Variants in NFATC1 observed in about 807,000 individuals in gnomAD.
NFATC1 encodes nuclear factor of activated T cells 1, also known as nuclear factor of activated T-cells, cytoplasmic 1.
In NFATC1, 22 loss-of-function variants were observed where a neutral mutation model predicts 76.0. The observed-to-expected ratio is 0.29, with a 90% CI of 0.21 to 0.41. The LOEUF is 0.41. Ranked by LOEUF, NFATC1 falls within the 10% of genes least tolerant of loss-of-function variation. The pLI is 1.00. For synonymous variants in NFATC1, 704 were observed against 613.1 expected (o/e 1.15, Z -2.19); for missense variants, 1,357 against 1,337.7 (o/e 1.01, Z -0.23).
chr18:79,398,768 G>A (rs904341611), intron 1 of NFATC1, among the ~76,000 whole-genome samples: 5 of 152,252 alleles, frequency 3.3e-5, no homozygotes, highest in Non-Finnish European at 5.9e-5. Context: ...GGTGGCTGGA[G>A]TTTTAAAAAC....
At position 79,411,567 on chromosome 18, in the gene NFATC1, G is replaced by A. The variant is rs940347722; in HGVS notation, c.1226+66G>A. The A allele has an allele frequency of 8.0e-5, 95 of 1,181,328 alleles. No homozygotes were observed. In the African/African-American group the frequency reaches 1.2e-3, roughly 15 times the overall value. 73.2% of individuals were successfully genotyped at this position (1,181,328 alleles called of 1,614,324 possible). ...GGCGCGGGGCGGGGCGGAACGCGGG[G>A]AGCGGGACGGGGGGCGGCGCGGGGC... On this transcript the variant is annotated intron_variant, in intron 2 of 9. Transcript: ENST00000427363.
At chr18:79,494,176 G>A (rs1482303384) in intron 9 of NFATC1, among the ~76,000 whole-genome samples, 1 of 152,230 alleles carries the variant, frequency 6.6e-6, no homozygotes, top group Non-Finnish European at 1.5e-5. Context: ...GCCAGCGACC[G>A]CGAGGGACAG....
intron 1 of NFATC1, chr18:79,400,544 C>G: frequency 1.6e-6 from 2 of 1,269,926 alleles, no homozygotes; most frequent in Non-Finnish European, 2.0e-6. Flanking sequence ...CGCCCAGGCC[C>G]CCTCCGCGTC....
At chr18:79,447,642 G>C (rs763905287) in intron 3 of NFATC1, among the ~76,000 whole-genome samples, 2 of 152,212 alleles carry the variant, frequency 1.3e-5, no homozygotes, top group African/African-American at 2.4e-5. Context: ...CACTCTGAAC[G>C]AGGGGCCCTG....
intron 8 of NFATC1, among the ~76,000 whole-genome samples, chr18:79,481,078 A>G (rs1180649072): frequency 1.3e-5 from 2 of 152,238 alleles, no homozygotes; most frequent in Non-Finnish European, 1.5e-5. Flanking sequence ...GCCTGTTTCC[A>G]GTGACCCCTG....
intron 9 of NFATC1, chr18:79,496,461 C>G (rs2089889782): frequency 6.6e-6 from 1 of 152,406 alleles, no homozygotes; most frequent in East Asian, 1.9e-4. Flanking sequence ...TGTCAGACAG[C>G]CATGTTCTTG....
chr18:79,516,931 G>A (rs550255673), intron 9 of NFATC1, among the ~76,000 whole-genome samples: 1 of 152,282 alleles, frequency 6.6e-6, no homozygotes, highest in Admixed American at 6.5e-5. Flanking sequence ...TATGTCAGAT[G>A]GAAAAATTGA....
intron 3 of NFATC1, among the ~76,000 whole-genome samples, chr18:79,442,488 T>A (rs1470128063): frequency 2.6e-5 from 4 of 152,224 alleles, no homozygotes; most frequent in Non-Finnish European, 4.4e-5. Flanking sequence ...GTTTGAATGA[T>A]CTTTCTCCAA....
chr18:79,456,393 G>A (rs753216331), intron 6 of NFATC1, among the ~76,000 whole-genome samples: 1 of 152,160 alleles, frequency 6.6e-6, no homozygotes, highest in South Asian at 2.1e-4. Context: ...CACTCCCTCC[G>A]GGCTCACCTT....
chr18:79,400,357 C>A (rs763817522), intron 1 of NFATC1: 11 of 1,394,850 alleles, frequency 7.9e-6, no homozygotes, highest in African/African-American at 1.7e-5. Context: ...GCGGCCGCGA[C>A]CCCGGCTCCC....
In NFATC1 at chr18:79,437,207, G is replaced by A. The variant is rs1305075145; in HGVS notation, c.1386+3469G>A. 6.4e-4 allele frequency among the ~76,000 whole-genome samples: 98 copies of A among 152,194 alleles called. 1 individual carries two copies. The highest frequency in any genetic ancestry group is 6.1e-3 in the Admixed American group (93 of 15,286). On this transcript the variant is annotated intron_variant, in intron 3 of 9. Coordinates refer to ENST00000427363, the MANE Select transcript of NFATC1 (RefSeq NM_001278669.2). ...GGGGCCTGCGGGTAAGGACAGTCCC[G>A]CCCCCTGTGCGTGTGAGGGGATAGT...
chr18:79,471,686 C>T lies in NFATC1; in HGVS notation c.2092+4104C>T, dbSNP rs568787850. ...AGAGCCCCCTTCCTCAGGGGACACG[C>T]GGTCCAGCTGAGGGTCATCCCGTGA... On this transcript the variant is annotated intron_variant, in intron 8 of 9. Coordinates refer to ENST00000427363, the MANE Select transcript of NFATC1 (RefSeq NM_001278669.2). 5.3e-5 allele frequency among the ~76,000 whole-genome samples: 8 copies of T among 152,328 alleles called. No homozygotes were observed. In the South Asian group the frequency reaches 1.0e-3, roughly 20 times the overall value.
At chr18:79,522,912 A>T (rs1601013299) in intron 9 of NFATC1, among the ~76,000 whole-genome samples, 1 of 152,156 alleles carries the variant, frequency 6.6e-6, no homozygotes, top group African/African-American at 2.4e-5. Flanking sequence ...GCGGGGCCCC[A>T]GGCCGCCATC....
chr18:79,433,535 G>C lies in NFATC1; in HGVS notation c.1227-44G>C, dbSNP rs757841348. On this transcript the variant is annotated intron_variant, in intron 2 of 9. Transcript: ENST00000427363. ...CACGGGCACGTGTGGCCCGGGCGAG[G>C]TCTGTGTGGTGCTGAACGCCTCCTC... is the stretch of plus-strand genomic sequence containing the variant. The C allele has an allele frequency of 1.6e-5, 25 of 1,611,180 alleles. No homozygotes were observed. The East Asian group carries it at 5.3e-4, about 34-fold the overall frequency.
intron 2 of NFATC1, among the ~76,000 whole-genome samples, chr18:79,429,625 C>T (rs1370214408): frequency 6.6e-6 from 1 of 152,186 alleles, no homozygotes; most frequent in Non-Finnish European, 1.5e-5. Context: ...GCGGTCCCGT[C>T]TCCGCAGCAG....
chr18:79,488,324 G>A (rs1569024409), intron 9 of NFATC1, among the ~76,000 whole-genome samples: 3 of 107,900 alleles, frequency 2.8e-5, no homozygotes, highest in South Asian at 6.3e-4. Context: ...GTGTGTGTGT[G>A]TGTGTGTGTG....
intron 1 of NFATC1, chr18:79,400,487 A>G: frequency 7.0e-7 from 1 of 1,435,790 alleles, no homozygotes; most frequent in Non-Finnish European, 9.1e-7. Context: ...CAGGTGGGTC[A>G]GTCCCGGAGG....
At chr18:79,480,585 G>T (rs1022558358) in intron 8 of NFATC1, among the ~76,000 whole-genome samples, 2 of 152,174 alleles carry the variant, frequency 1.3e-5, no homozygotes, top group Non-Finnish European at 2.9e-5. Flanking sequence ...TGGCTGGAGA[G>T]ATGCGGGGGT....
intron 9 of NFATC1, among the ~76,000 whole-genome samples, chr18:79,510,340 A>G (rs1195385796): frequency 6.6e-6 from 1 of 152,216 alleles, no homozygotes; most frequent in Non-Finnish European, 1.5e-5. Flanking sequence ...AAAACCACAT[A>G]TGGGGATCAG....
Sources: allele counts gnomAD v4.1 joint callset (sites outside exome capture counted in the v4.1 genomes callset), GRCh38; gene constraint gnomAD v4.1.1; transcripts MANE v1.5; gene names NCBI Gene and HGNC (gene_info 2026-07-23, HGNC 2026-07-21).